LRMDA: variants seen among roughly 807,000 people sequenced by gnomAD.
LRMDA encodes leucine-rich melanocyte differentiation-associated protein.
Under a neutral mutation model 29.8 loss-of-function variants are expected in LRMDA, and 18 were observed. That is an observed-to-expected ratio of 0.60 (90% CI 0.42 to 0.90). The LOEUF (loss-of-function observed/expected upper bound fraction) is 0.90. Among genes scored for constraint, LRMDA ranks in the 40% least tolerant of loss-of-function variants. The probability of loss-of-function intolerance (pLI) is 0.00; values close to 1 mark genes in which losing one functional copy is unlikely to be tolerated. For missense variants in LRMDA, 273 were observed against 273.9 expected (o/e 1.00, Z 0.02); for synonymous variants, 125 against 109.4 (o/e 1.14, Z -0.89).
chr10:76,005,912 G>C (rs528729467), intron 2 of LRMDA, among the ~76,000 whole-genome samples: 1 of 147,420 alleles, frequency 6.8e-6, no homozygotes. Flanking sequence ...CCTGGGTGCA[G>C]TGCGAGACTC....
At chr10:75,660,350 C>T (rs946576876) in intron 2 of LRMDA, among the ~76,000 whole-genome samples, 10 of 152,112 alleles carry the variant, frequency 6.6e-5, no homozygotes, top group East Asian at 1.9e-4. Context: ...ATGAAACTTG[C>T]GAATTAGATA....
chr10:75,731,570 G>T (rs987317094), intron 2 of LRMDA, among the ~76,000 whole-genome samples: 1 of 152,184 alleles, frequency 6.6e-6, no homozygotes, highest in Admixed American at 6.5e-5. Context: ...AAATTTTAGT[G>T]TTGGCAAAAC....
At chr10:75,626,883 C>A (rs985854139) in intron 2 of LRMDA, among the ~76,000 whole-genome samples, 1 of 152,202 alleles carries the variant, frequency 6.6e-6, no homozygotes, top group Non-Finnish European at 1.5e-5. Flanking sequence ...TTTTCTACAG[C>A]CCCATCTTGG....
intron 2 of LRMDA, among the ~76,000 whole-genome samples, chr10:75,614,465 T>G (rs529466412): frequency 5.9e-5 from 9 of 152,232 alleles, no homozygotes; most frequent in South Asian, 4.1e-4. Context: ...GAAAAGCCAT[T>G]GTTTTTTCAT....
chr10:76,218,554 G>A (rs893634932), intron 5 of LRMDA, among the ~76,000 whole-genome samples: 5 of 152,300 alleles, frequency 3.3e-5, no homozygotes, highest in South Asian at 2.1e-4. Context: ...AGTTAGCTGC[G>A]TGCAACTTAC....
chr10:75,849,362 C>A (rs1313971889), intron 2 of LRMDA, among the ~76,000 whole-genome samples: 1 of 141,670 alleles, frequency 7.1e-6, no homozygotes, highest in Non-Finnish European at 1.5e-5. Context: ...CCCAAGTGTC[C>A]ATCAATGATA....
At chr10:76,519,913 T>A (rs116051455) in intron 6 of LRMDA, among the ~76,000 whole-genome samples, 3 of 152,176 alleles carry the variant, frequency 2.0e-5, no homozygotes, top group African/African-American at 7.2e-5. Flanking sequence ...AGCATACTTT[T>A]TTTAAGTTTG....
At chr10:75,773,819 T>A (rs1467741388) in intron 2 of LRMDA, among the ~76,000 whole-genome samples, 1 of 152,246 alleles carries the variant, frequency 6.6e-6, no homozygotes, top group Non-Finnish European at 1.5e-5. Flanking sequence ...CTGGCCCACG[T>A]TGAGTTCTTC....
intron 6 of LRMDA, among the ~76,000 whole-genome samples, chr10:76,553,416 G>A (rs1589235135): frequency 6.6e-6 from 1 of 152,220 alleles, no homozygotes; most frequent in African/African-American, 2.4e-5. Flanking sequence ...CCAAATTCCA[G>A]CCTCGGAGTG....
intron 2 of LRMDA, among the ~76,000 whole-genome samples, chr10:75,693,315 C>T (rs185360496): frequency 2.0e-5 from 3 of 152,264 alleles, no homozygotes; most frequent in African/African-American, 7.2e-5. Flanking sequence ...GCCAGAGAAC[C>T]ACAATGTAGC....
intron 2 of LRMDA, among the ~76,000 whole-genome samples, chr10:75,597,188 T>C (rs1376487969): frequency 6.6e-6 from 1 of 152,210 alleles, no homozygotes; most frequent in Non-Finnish European, 1.5e-5. Context: ...TCTTTTGTAA[T>C]AAAGATGCAG....
chr10:75,924,814 T>A (rs74146995), intron 2 of LRMDA, among the ~76,000 whole-genome samples: 2,765 of 152,206 alleles, frequency 0.018, 62 homozygotes, highest in East Asian at 0.068. Flanking sequence ...GCTTCGTATG[T>A]GGGTTTCTGG....
chr10:76,142,700 T>C (rs1314045002), intron 5 of LRMDA, among the ~76,000 whole-genome samples: 1 of 151,434 alleles, frequency 6.6e-6, no homozygotes, highest in African/African-American at 2.4e-5. Flanking sequence ...TTATTATTAT[T>C]ATTATTATAC....
intron 2 of LRMDA, among the ~76,000 whole-genome samples, chr10:75,918,847 C>T (rs1195391966): frequency 1.3e-5 from 2 of 151,968 alleles, no homozygotes; most frequent in Non-Finnish European, 1.5e-5. Context: ...AGTTTAAAGA[C>T]GTTGATTGGG....
intron 5 of LRMDA, among the ~76,000 whole-genome samples, chr10:76,135,636 G>A (rs1850080014): frequency 6.8e-6 from 1 of 147,918 alleles, no homozygotes; most frequent in African/African-American, 2.4e-5. Flanking sequence ...AGCGCTGTGA[G>A]GGAGAATCTA....
rs374839033 is a variant in LRMDA at position 75,689,042 on chromosome 10, C to A, written c.131+250548C>A. On this transcript the variant is annotated intron_variant, in intron 2 of 6. Transcript: ENST00000611255. ...TATGTATGGGGAAACAAAAAAAAAACCCAATTTGGATTGTTTGCTTTATCA... is the reference window on the plus strand; with the variant it reads ...TATGTATGGGGAAACAAAAAAAAAAACCAATTTGGATTGTTTGCTTTATCA... 1.9e-3 allele frequency among the ~76,000 whole-genome samples: 281 copies of A among 150,710 alleles called. 1 individual carries two copies. Among genetic ancestry groups the A allele is most frequent in the African/African-American group, 6.3e-3 (257 of 40,566 alleles).
intron 6 of LRMDA, among the ~76,000 whole-genome samples, chr10:76,454,705 T>C (rs943301113): frequency 6.6e-6 from 1 of 151,664 alleles, no homozygotes; most frequent in Non-Finnish European, 1.5e-5. Flanking sequence ...TCCCCTGTTG[T>C]GCCCAATGAC....
At chr10:76,287,428 A>G (rs568755919) in intron 5 of LRMDA, among the ~76,000 whole-genome samples, 1 of 152,228 alleles carries the variant, frequency 6.6e-6, no homozygotes, top group South Asian at 2.1e-4. Context: ...CTACTGTATA[A>G]CACAGTGTCT....
chr10:76,300,317 C>T (rs1840464804), intron 5 of LRMDA, among the ~76,000 whole-genome samples: 1 of 152,236 alleles, frequency 6.6e-6, no homozygotes, highest in South Asian at 2.1e-4. Flanking sequence ...TTTGGGGACA[C>T]TCTGGGTTGT....
Sources: gnomAD v4.1 joint callset for allele counts (sites outside exome capture counted in the v4.1 genomes callset) on GRCh38, gnomAD v4.1.1 for gene constraint, MANE v1.5 for transcripts, NCBI Gene and HGNC (gene_info 2026-07-23, HGNC 2026-07-21) for gene names.